NAV2: variants seen among roughly 807,000 people sequenced by gnomAD.
NAV2 encodes the protein neuron navigator 2, also known as helicase, APC down-regulated 1.
Under a neutral mutation model 223.2 loss-of-function variants are expected in NAV2, and 54 were observed. The ratio of observed to expected loss-of-function variants is 0.24; its 90% CI spans 0.19 to 0.30. NAV2 has a LOEUF of 0.30. Among genes scored for constraint, NAV2 ranks in the 10% least tolerant of loss-of-function variants. The probability of loss-of-function intolerance (pLI) is 1.00; values close to 1 mark genes in which losing one functional copy is unlikely to be tolerated. For missense variants in NAV2, 2,806 were observed against 3,147.5 expected (o/e 0.89, Z 2.60); for synonymous variants, 1,279 against 1,239.3 (o/e 1.03, Z -0.67).
At chr11:20,103,190 A>G (rs2061762637) in intron 32 of NAV2, 65 bp from the exon 33 acceptor site, 1 of 1,517,090 alleles carries the variant, frequency 6.6e-7, no homozygotes, top group Non-Finnish European at 9.0e-7. Flanking sequence ...AAAGGCCCTG[A>G]GCGGTGTGTC....
chr11:19,350,787 G>A lies in NAV2; in HGVS notation c.-166G>A, dbSNP rs971600964. The A allele has an allele frequency of 7.6e-6, 5 of 659,804 alleles. No homozygotes were observed. The African/African-American group carries it at 9.0e-5, about 12-fold the overall frequency. The allele number at this position is 659,804 out of a possible 1,614,324, so 40.9% of individuals were successfully genotyped here. A position where few individuals can be genotyped will look rare whatever the true frequency, so the allele number is the denominator to read the frequency against. On this transcript the variant is annotated 5_prime_UTR_variant, in exon 1 of 38. Transcript: ENST00000360655. ...CAGTGGTGCCGAGTGAGGTTCCCGAGTGGATTTTAAGAAGACAGGAAGACC... is the reference window on the plus strand; with the variant it reads ...CAGTGGTGCCGAGTGAGGTTCCCGAATGGATTTTAAGAAGACAGGAAGACC...
chr11:19,687,180 G>A (rs1590089945), intron 1 of NAV2, among the ~76,000 whole-genome samples: 3 of 152,240 alleles, frequency 2.0e-5, no homozygotes, highest in Non-Finnish European at 4.4e-5. Context: ...ATTCTCCCTG[G>A]AACAGGGAGA....
chr11:19,962,979 T>C (rs572375837), intron 10 of NAV2, among the ~76,000 whole-genome samples: 22 of 152,304 alleles, frequency 1.4e-4, no homozygotes, highest in African/African-American at 4.8e-4. Context: ...GCTCACATAC[T>C]TGAGCAGTGA....
chr11:19,953,432 G>A (rs537733274), intron 10 of NAV2, among the ~76,000 whole-genome samples: 75 of 144,794 alleles, frequency 5.2e-4, no homozygotes, highest in African/African-American at 1.7e-3. Context: ...CCAAAAGCTG[G>A]TTCCTGCATT....
intron 1 of NAV2, among the ~76,000 whole-genome samples, chr11:19,625,289 A>G (rs1051706838): frequency 6.6e-6 from 1 of 152,114 alleles, no homozygotes; most frequent in Non-Finnish European, 1.5e-5. Context: ...AACTTTTTTT[A>G]GTTTCTACAT....
intron 3 of NAV2, among the ~76,000 whole-genome samples, chr11:19,849,496 C>T (rs1001583596): frequency 5.9e-5 from 9 of 152,200 alleles, no homozygotes; most frequent in African/African-American, 9.6e-5. Flanking sequence ...AGAGCCCTGG[C>T]GCCAGGTACC....
At chr11:19,500,797 C>A (rs2042940472) in intron 1 of NAV2, among the ~76,000 whole-genome samples, 1 of 152,212 alleles carries the variant, frequency 6.6e-6, no homozygotes, top group South Asian at 2.1e-4. Flanking sequence ...GGTAAGGTTG[C>A]TCAGGCTGGG....
chr11:19,528,837 G>A (rs1469167718), intron 1 of NAV2, among the ~76,000 whole-genome samples: 1 of 149,852 alleles, frequency 6.7e-6, no homozygotes, highest in African/African-American at 2.5e-5. Context: ...GGCTGAGGAA[G>A]GAGAATCACT....
At chr11:19,837,605 A>C (rs889474912) in intron 2 of NAV2, among the ~76,000 whole-genome samples, 5 of 152,344 alleles carry the variant, frequency 3.3e-5, no homozygotes, top group African/African-American at 1.2e-4. Context: ...GCTATATGCC[A>C]GTCAGGGATG....
chr11:19,425,568 T>C (rs1334574390), intron 1 of NAV2, among the ~76,000 whole-genome samples: 1 of 152,234 alleles, frequency 6.6e-6, no homozygotes, highest in African/African-American at 2.4e-5. Context: ...AGAACCATAT[T>C]CTCTGTTTAT....
intron 26 of NAV2, among the ~76,000 whole-genome samples, chr11:20,084,889 C>T (rs1051171390): frequency 1.3e-5 from 2 of 152,020 alleles, no homozygotes; most frequent in Non-Finnish European, 2.9e-5. Context: ...TCTGAAGAGA[C>T]CAAAAAGGGG....
chr11:19,683,336 G>C (rs1368808243), intron 1 of NAV2, among the ~76,000 whole-genome samples: 1 of 152,230 alleles, frequency 6.6e-6, no homozygotes, highest in African/African-American at 2.4e-5. Context: ...AGCAGCTTAG[G>C]AAGGCGGGGT....
chr11:19,550,394 A>T (rs1376965103), intron 1 of NAV2, among the ~76,000 whole-genome samples: 1 of 152,190 alleles, frequency 6.6e-6, no homozygotes, highest in Admixed American at 6.5e-5. Flanking sequence ...GAACCCGAAT[A>T]CTTGAAACTT....
intron 3 of NAV2, among the ~76,000 whole-genome samples, chr11:19,857,581 A>G (rs527571352): frequency 6.6e-6 from 1 of 152,190 alleles, no homozygotes; most frequent in Non-Finnish European, 1.5e-5. Flanking sequence ...AGGTAATTGC[A>G]CTGGGTGAAA....
In NAV2 at chr11:19,946,616, C is replaced by T. The variant is rs146801421; in HGVS notation, c.2255+107C>T. ...ATTTGGTTATAATGGATCATAGCCT[C>T]GCTTTCCAAATGTGCCGGAATTCAC... On this transcript the variant is annotated intron_variant, in intron 9 of 37. Coordinates refer to ENST00000349880, the MANE Select transcript of NAV2 (RefSeq NM_145117.5). 2,979 of 898,710 alleles carry T rather than the reference C, an allele frequency of 3.3e-3. 47 individuals are homozygous for T. Among genetic ancestry groups the T allele is most frequent in the Admixed American group, 0.032 (1,220 of 38,154 alleles). 55.7% of individuals were successfully genotyped at this position (898,710 alleles called of 1,614,324 possible).
At chr11:19,352,090 C>T (rs1214350783) in intron 1 of NAV2, among the ~76,000 whole-genome samples, 1 of 152,010 alleles carries the variant, frequency 6.6e-6, no homozygotes, top group Non-Finnish European at 1.5e-5. Flanking sequence ...AATATTGACT[C>T]CATTCCTAAC....
intron 1 of NAV2, among the ~76,000 whole-genome samples, chr11:19,677,136 C>A (rs538757111): frequency 2.6e-5 from 4 of 152,256 alleles, no homozygotes; most frequent in African/African-American, 9.6e-5. Flanking sequence ...CGGGTCCAGA[C>A]CATGGTGATA....
chr11:19,594,283 C>T (rs2046142618), intron 1 of NAV2, among the ~76,000 whole-genome samples: 1 of 152,152 alleles, frequency 6.6e-6, no homozygotes, highest in African/African-American at 2.4e-5. Context: ...GGCTCAAGCA[C>T]TAGAACAGAT....
upstream of NAV2, among the ~76,000 whole-genome samples, chr11:19,709,970 A>C (rs188810288): frequency 2.6e-5 from 4 of 152,344 alleles, no homozygotes; most frequent in East Asian, 7.7e-4. Context: ...TAAAACACAC[A>C]GGGTTAAGGG....
Sources: gnomAD v4.1 joint callset for allele counts (sites outside exome capture counted in the v4.1 genomes callset) on GRCh38, gnomAD v4.1.1 for gene constraint, MANE v1.5 for transcripts, NCBI Gene and HGNC (gene_info 2026-07-23, HGNC 2026-07-21) for gene names.